Variants in TMEM74B observed in about 807,000 individuals in gnomAD.
The protein encoded by TMEM74B is transmembrane protein C20orf46.
A neutral mutation model predicts 6.5 loss-of-function variants in TMEM74B; 7 were observed. The ratio of observed to expected loss-of-function variants is 1.07; its 90% CI spans 0.61 to 2.01. TMEM74B has a LOEUF of 2.01. Among genes scored for constraint, TMEM74B ranks in the 30% most tolerant of loss-of-function variants. The pLI, the probability that TMEM74B is intolerant of heterozygous loss-of-function variation, is 0.00. For synonymous variants in TMEM74B, 151 were observed against 151.6 expected (o/e 1.00, Z 0.03); for missense variants, 342 against 337.0 (o/e 1.01, Z -0.12).
At chr20:1,186,364 G>C (rs946272246), upstream of TMEM74B, 1 of 152,240 alleles carries the variant, frequency 6.6e-6, no homozygotes, top group Non-Finnish European at 1.5e-5. Flanking sequence ...TGAGTCCAGC[G>C]AAGTGCCTAG....
In TMEM74B at chr20:1,184,203, A is replaced by C. The variant is rs2086955575; in HGVS notation, c.-148+99T>G. 1 of 162,306 alleles carries C rather than the reference A, an allele frequency of 6.2e-6. No individual in the cohort carries two copies. Among genetic ancestry groups the C allele is most frequent in the Non-Finnish European group, 1.3e-5 (1 of 74,976 alleles). The allele number at this position is 162,306 out of a possible 1,614,324, so 10.1% of individuals were successfully genotyped here. Reference sequence around the variant, plus strand: ...CCTGGAAGAAATCTGGAGCTCCCAAATTCTGGGAGCAGAGCTCTCCTTCAT... The same window carrying C: ...CCTGGAAGAAATCTGGAGCTCCCAACTTCTGGGAGCAGAGCTCTCCTTCAT... On this transcript the variant is annotated intron_variant, in intron 1 of 2. Transcript: ENST00000429036. This position sits in a 1 kb window ranked among gnomAD's most constrained non-coding sequence, Gnocchi z 6.0.
upstream of TMEM74B, among the ~76,000 whole-genome samples, chr20:1,185,884 G>T (rs879549470): frequency 1.9e-4 from 29 of 149,332 alleles, no homozygotes; most frequent in Non-Finnish European, 3.6e-4. Flanking sequence ...TCCTTAGGTC[G>T]GGACGGTCTC....
At chr20:1,185,521 C>A (rs1241773461), upstream of TMEM74B, 1 of 151,246 alleles carries the variant, frequency 6.6e-6, no homozygotes, top group Non-Finnish European at 1.5e-5. Context: ...GGGAGCTCCG[C>A]CCGCGGCCGG....
chr20:1,185,194 C>T (rs2086989933), upstream of TMEM74B: 2 of 151,814 alleles, frequency 1.3e-5, no homozygotes, highest in Admixed American at 6.6e-5. Context: ...GCCCGGCCGC[C>T]GGCGGGCGAG....
chr20:1,186,855 G>T (rs898169770), upstream of TMEM74B, among the ~76,000 whole-genome samples: 2 of 152,150 alleles, frequency 1.3e-5, no homozygotes, highest in African/African-American at 4.8e-5. Flanking sequence ...AGGGATGCTA[G>T]CCCTGGCACC....
At chr20:1,182,434 AG>A (rs2086896246) in intron 2 of TMEM74B, among the ~76,000 whole-genome samples, 1 of 151,764 alleles carries the variant, frequency 6.6e-6, no homozygotes, top group South Asian at 2.1e-4. Context: ...GAGCTGGAGC[AG>A]GAAGTGCCTC....
upstream of TMEM74B, among the ~76,000 whole-genome samples, chr20:1,188,390 T>G (rs1361728504): frequency 6.7e-6 from 1 of 149,850 alleles, no homozygotes; most frequent in African/African-American, 2.5e-5. Flanking sequence ...CATCTGATAG[T>G]GCCAGAAAGT....
At chr20:1,186,825 C>G (rs1352909299), upstream of TMEM74B, among the ~76,000 whole-genome samples, 1 of 152,138 alleles carries the variant, frequency 6.6e-6, no homozygotes, top group East Asian at 1.9e-4. Context: ...AGAGGCCTGG[C>G]CCGTTGTTAG....
At chr20:1,183,434 T>A (rs909816494) in intron 2 of TMEM74B, among the ~76,000 whole-genome samples, 6 of 152,142 alleles carry the variant, frequency 3.9e-5, no homozygotes, top group Non-Finnish European at 8.8e-5. Context: ...CTTTCTGACC[T>A]TCTTGTCAAT....
In TMEM74B at chr20:1,181,141, C is replaced by T; in HGVS notation, c.478G>A (p.Glu160Lys). 6.2e-7 allele frequency: 1 copy of T among 1,614,168 alleles called. No homozygotes were observed. Among genetic ancestry groups the T allele is most frequent in the East Asian group, 2.2e-5 (1 of 44,892 alleles). ...CGGGCGTAGTACATCTCCAGTCGTT[C>T]CATCTCCCGCGCTGTCACTGTGTCC... ...NPDTVTAREM[E>K]RLEMYYARLG... The change falls in exon 3 of 3, where the codon GAA becomes AAA. Residue 160 changes from glutamate (E) to lysine (K), a missense_variant. Coordinates refer to ENST00000429036, the MANE Select transcript of TMEM74B (RefSeq NM_001304748.2). The surrounding 1 kb of genome is among the most constrained non-coding windows in gnomAD (Gnocchi z 4.9).
chr20:1,185,456 G>T (rs1241715756), upstream of TMEM74B: 1 of 151,348 alleles, frequency 6.6e-6, no homozygotes, highest in East Asian at 2.0e-4. Context: ...GGGGGGATCC[G>T]GGGACGGAGG....
upstream of TMEM74B, among the ~76,000 whole-genome samples, chr20:1,188,691 G>A (rs1289145367): frequency 6.6e-6 from 1 of 151,924 alleles, no homozygotes; most frequent in African/African-American, 2.4e-5. Context: ...CAAATGGTGG[G>A]GGTAGGAGCT....
At chr20:1,182,387 G>A (rs1247007531) in intron 2 of TMEM74B, among the ~76,000 whole-genome samples, 1 of 152,174 alleles carries the variant, frequency 6.6e-6, no homozygotes, top group African/African-American at 2.4e-5. Context: ...GACTCTGAAA[G>A]CCAGGCCAAG....
chr20:1,183,200 G>C (rs75785527), intron 2 of TMEM74B, among the ~76,000 whole-genome samples: 1 of 152,098 alleles, frequency 6.6e-6, no homozygotes, highest in Non-Finnish European at 1.5e-5. Context: ...CACATGCTCC[G>C]GTGTGTCTAC....
rs201417623 is a variant in TMEM74B, at chr20:1,180,785, C to T, written c.*63G>A. The T allele has an allele frequency of 5.3e-4, 795 of 1,513,406 alleles. 3 individuals are homozygous for T. Among genetic ancestry groups the T allele is most frequent in the Admixed American group, 5.1e-4 (23 of 45,220 alleles). 93.7% of individuals were successfully genotyped at this position (1,513,406 alleles called of 1,614,324 possible). ...AGGGCCTTGGCAGGGGTCAGGTGGG[C>T]GGGAGCAGGGGGTGGACCTTGTAGC... On this transcript the variant is annotated 3_prime_UTR_variant, in exon 3 of 3. Coordinates refer to ENST00000429036, the MANE Select transcript of TMEM74B (RefSeq NM_001304748.2). The surrounding 1 kb of genome is among the most constrained non-coding windows in gnomAD (Gnocchi z 6.1).
At position 1,184,703 on chromosome 20, in the gene TMEM74B, A is replaced by T. The variant is rs1279899579; in HGVS notation, c.-549T>A. ...CCAAGCCAGATCCACCAAGACCCGCAGGGGCCCAATACCCCACCCGCCGCG... is the reference window on the plus strand; with the variant it reads ...CCAAGCCAGATCCACCAAGACCCGCTGGGGCCCAATACCCCACCCGCCGCG... On this transcript the variant is annotated 5_prime_UTR_variant, in exon 1 of 3. Transcript: ENST00000429036. The surrounding 1 kb of genome is among the most constrained non-coding windows in gnomAD (Gnocchi z 6.0). 1 of 152,254 alleles carries T rather than the reference A, an allele frequency of 6.6e-6. No homozygotes were observed. Among genetic ancestry groups the T allele is most frequent in the African/African-American group, 2.4e-5 (1 of 41,312 alleles). The allele number at this position is 152,254 out of a possible 1,614,324, so 9.4% of individuals were successfully genotyped here.
intron 2 of TMEM74B, among the ~76,000 whole-genome samples, chr20:1,183,415 T>C (rs764155142): frequency 1.3e-5 from 2 of 152,104 alleles, no homozygotes; most frequent in African/African-American, 4.8e-5. Flanking sequence ...GGAAGACATG[T>C]TTTTCAATCT....
At chr20:1,185,837 C>G (rs1269054312), upstream of TMEM74B, among the ~76,000 whole-genome samples, 1 of 150,292 alleles carries the variant, frequency 6.7e-6, no homozygotes, top group Non-Finnish European at 1.5e-5. Context: ...CCACCCCGCA[C>G]GCAGCCCCCA....
rs763899070 is a variant in TMEM74B at position 1,181,570 on chromosome 20, C to T, written c.49G>A (p.Asp17Asn). The change falls in exon 3 of 3, where the codon GAT (aspartate) becomes AAT (asparagine). Residue 17 changes from aspartate to asparagine, a missense_variant. Physicochemically the swap from Asp to Asn is conservative, Grantham distance 23. Transcript: ENST00000429036. This position sits in a 1 kb window ranked among gnomAD's most constrained non-coding sequence, Gnocchi z 4.9. ...YEFAAAKGPR[D>N]ELGPSFPMAS... ...ATTGGGAAGGAGGGCCCCAGCTCATCCCTTGGCCCCTTGGCAGCTGGAAGA... is the reference window on the plus strand; with the variant it reads ...ATTGGGAAGGAGGGCCCCAGCTCATTCCTTGGCCCCTTGGCAGCTGGAAGA... The T allele has an allele frequency of 1.0e-5, 15 of 1,458,588 alleles. No homozygotes were observed. The highest frequency in any genetic ancestry group is 3.6e-6 in the Non-Finnish European group (4 of 1,111,112). 90.4% of individuals were successfully genotyped at this position (1,458,588 alleles called of 1,614,324 possible).
Sources: allele counts gnomAD v4.1 joint callset (sites outside exome capture counted in the v4.1 genomes callset), GRCh38; gene constraint gnomAD v4.1.1; non-coding constraint Gnocchi (gnomAD v3.1); transcripts MANE v1.5; gene names NCBI Gene and HGNC (gene_info 2026-07-23, HGNC 2026-07-21).